The following MAF variants were observed in gnomAD, a reference collection of about 807,000 sequenced individuals.
The protein encoded by MAF is MAF bZIP transcription factor.
A neutral mutation model predicts 22.0 loss-of-function variants in MAF; 10 were observed. That is an observed-to-expected ratio of 0.45 (90% CI 0.28 to 0.77). MAF has a LOEUF of 0.77. Among genes scored for constraint, MAF ranks in the 30% least tolerant of loss-of-function variants. The pLI is 0.12. For missense variants in MAF, 544 were observed against 548.4 expected (o/e 0.99, Z 0.08); for synonymous variants, 337 against 255.8 (o/e 1.32, Z -3.03).
the MAF span, among the ~76,000 whole-genome samples, chr16:79,575,098 A>G: frequency 1.3e-5 from 2 of 150,770 alleles, no homozygotes; most frequent in African/African-American, 4.9e-5. Flanking sequence ...GGTCTGAGGC[A>G]CGGCATCAAT....
the MAF span, among the ~76,000 whole-genome samples, chr16:79,237,966 G>A: frequency 3.9e-5 from 6 of 152,174 alleles, no homozygotes; most frequent in South Asian, 2.1e-4. Flanking sequence ...CGTCTTAGAC[G>A]GGAATCTTCC....
At chr16:79,339,484 G>C in the MAF span, among the ~76,000 whole-genome samples, 1 of 152,182 alleles carries the variant, frequency 6.6e-6, no homozygotes, top group Non-Finnish European at 1.5e-5. Context: ...CTGGGTCCCT[G>C]AATCACTGTA....
the MAF span, among the ~76,000 whole-genome samples, chr16:79,235,722 G>A: frequency 6.6e-6 from 1 of 152,040 alleles, no homozygotes; most frequent in Non-Finnish European, 1.5e-5. Context: ...AATGTTGGGA[G>A]GTGGGCTAAA....
the MAF span, among the ~76,000 whole-genome samples, chr16:79,293,170 C>G: frequency 6.3e-3 from 966 of 152,260 alleles, 9 homozygotes; most frequent in African/African-American, 0.022. Flanking sequence ...TGCGTGAGGT[C>G]CAAGAACCCT....
chr16:79,251,216 G>A, the MAF span, among the ~76,000 whole-genome samples: 4 of 152,116 alleles, frequency 2.6e-5, no homozygotes, highest in African/African-American at 9.6e-5. Context: ...TTGGAAATTT[G>A]GCCGCTGATT....
At chr16:79,413,695 G>A in the MAF span, among the ~76,000 whole-genome samples, 1 of 152,110 alleles carries the variant, frequency 6.6e-6, no homozygotes, top group Non-Finnish European at 1.5e-5. Flanking sequence ...AATCTCCATT[G>A]TGGGATCAGG....
the MAF span, among the ~76,000 whole-genome samples, chr16:79,544,669 G>A: frequency 6.6e-6 from 1 of 151,168 alleles, no homozygotes; most frequent in African/African-American, 2.4e-5. Flanking sequence ...AGCTACTCGG[G>A]AGGCTGAGCA....
At chr16:79,351,893 C>A in the MAF span, among the ~76,000 whole-genome samples, 1 of 152,052 alleles carries the variant, frequency 6.6e-6, no homozygotes, top group African/African-American at 2.4e-5. Flanking sequence ...ACTTTGTTAC[C>A]CCTGGAAAAA....
chr16:79,457,124 G>T, the MAF span, among the ~76,000 whole-genome samples: 1 of 152,108 alleles, frequency 6.6e-6, no homozygotes, highest in Non-Finnish European at 1.5e-5. Context: ...CTTCCTCATT[G>T]GGATAAGGTT....
At chr16:79,264,910 A>T in the MAF span, among the ~76,000 whole-genome samples, 7 of 152,116 alleles carry the variant, frequency 4.6e-5, no homozygotes, top group African/African-American at 1.7e-4. Context: ...TTCTCAGGAG[A>T]CACTCAGAGA....
the MAF span, among the ~76,000 whole-genome samples, chr16:79,572,745 T>C: frequency 2.0e-5 from 3 of 152,172 alleles, no homozygotes; most frequent in Admixed American, 2.0e-4. Flanking sequence ...TGTCTACCCA[T>C]CTTGGCTTGT....
the MAF span, among the ~76,000 whole-genome samples, chr16:79,502,878 T>G: frequency 6.6e-6 from 1 of 150,718 alleles, no homozygotes; most frequent in South Asian, 2.1e-4. Context: ...ACGTGGTGGT[T>G]ACATGGGATA....
chr16:79,461,249 T>G, the MAF span, among the ~76,000 whole-genome samples: 1 of 152,198 alleles, frequency 6.6e-6, no homozygotes, highest in Non-Finnish European at 1.5e-5. Flanking sequence ...TATATTTACT[T>G]AAGTAGGTTA....
the MAF span, among the ~76,000 whole-genome samples, chr16:79,276,096 G>A: frequency 6.6e-5 from 10 of 151,978 alleles, no homozygotes; most frequent in South Asian, 2.1e-4. Context: ...AGCCGAGATC[G>A]TGCCACTTCA....
chr16:79,494,407 G>C, the MAF span, among the ~76,000 whole-genome samples: 5 of 152,052 alleles, frequency 3.3e-5, no homozygotes, highest in African/African-American at 7.2e-5. Context: ...TCTTCTCCTT[G>C]TATAAAGCTT....
the MAF span, among the ~76,000 whole-genome samples, chr16:79,373,983 G>A: frequency 1.3e-5 from 2 of 152,094 alleles, no homozygotes; most frequent in Non-Finnish European, 2.9e-5. Flanking sequence ...AAGAGAATTA[G>A]GTTAATTCTC....
chr16:79,367,780 G>A, the MAF span, among the ~76,000 whole-genome samples: 1 of 152,178 alleles, frequency 6.6e-6, no homozygotes, highest in Non-Finnish European at 1.5e-5. Flanking sequence ...CACAGACTGA[G>A]TGAATGAACA....
chr16:79,250,833 G>T, the MAF span, among the ~76,000 whole-genome samples: 1 of 152,180 alleles, frequency 6.6e-6, no homozygotes, highest in Non-Finnish European at 1.5e-5. Context: ...AACCATCCCA[G>T]TTTGCCTGGG....
At chr16:79,465,586 C>T in the MAF span, among the ~76,000 whole-genome samples, 22 of 152,068 alleles carry the variant, frequency 1.4e-4, no homozygotes, top group East Asian at 7.7e-4. Flanking sequence ...GGTGACAGAG[C>T]GAGACCCTGT....
Sources: allele counts gnomAD v4.1 joint callset (sites outside exome capture counted in the v4.1 genomes callset), GRCh38; gene constraint gnomAD v4.1.1; transcripts MANE v1.5; gene names NCBI Gene and HGNC (gene_info 2026-07-23, HGNC 2026-07-21).